The following PML variants were observed in gnomAD, a reference collection of about 807,000 sequenced individuals.
The protein encoded by PML is protein PML.
In PML, 28 loss-of-function variants were observed where a neutral mutation model predicts 65.2. The observed-to-expected ratio is 0.43, with a 90% CI of 0.32 to 0.59. The LOEUF (loss-of-function observed/expected upper bound fraction) is 0.59. Ranked by LOEUF, PML falls within the 20% of genes least tolerant of loss-of-function variation. The pLI, the probability that PML is intolerant of heterozygous loss-of-function variation, is 0.08. For missense variants in PML, 1,021 were observed against 1,203.4 expected (o/e 0.85, Z 2.24); for synonymous variants, 500 against 508.8 (o/e 0.98, Z 0.23).
At chr15:74,041,394 G>A (rs540819809) in intron 7 of PML, 1 of 152,456 alleles carries the variant, frequency 6.6e-6, no homozygotes, top group South Asian at 2.1e-4. Context: ...CTCCTTACAG[G>A]GAGGAAACCG....
intron 2 of PML, among the ~76,000 whole-genome samples, chr15:74,008,242 A>G (rs995004633): frequency 3.3e-5 from 5 of 152,212 alleles, no homozygotes; most frequent in African/African-American, 1.2e-4. Flanking sequence ...TAGAAGGTTG[A>G]TGTGAGGGCA....
chr15:74,005,209 T>A (rs924706029), intron 2 of PML, among the ~76,000 whole-genome samples: 2 of 151,738 alleles, frequency 1.3e-5, no homozygotes, highest in Non-Finnish European at 2.9e-5. Context: ...CGCACCACCA[T>A]GCCCAGCTAA....
intron 6 of PML, chr15:74,034,217 T>A: frequency 1.8e-6 from 1 of 545,886 alleles, no homozygotes; most frequent in East Asian, 3.3e-5. Context: ...GGGGGCAAAT[T>A]CTGAATTCTG....
Position 74,035,646 on chromosome 15 carries a change from G to C in PML, c.1710+1116G>C, listed in dbSNP as rs773770329. The C allele has an allele frequency of 6.2e-7, 1 of 1,614,016 alleles. No homozygotes were observed. Among genetic ancestry groups the C allele is most frequent in the Non-Finnish European group, 8.5e-7 (1 of 1,180,016 alleles). On this transcript the variant is annotated intron_variant, in intron 7 of 8. Transcript: ENST00000268058. The surrounding 1 kb of genome is among the most constrained non-coding windows in gnomAD (Gnocchi z 4.1). ...CCCACCCCACCGGATACGAGGGGCT[G>C]TGCGATCCCGCAGCCGCTCCCTCCG...
intron 2 of PML, among the ~76,000 whole-genome samples, chr15:74,007,989 C>T (rs2070146125): frequency 6.6e-6 from 1 of 152,210 alleles, no homozygotes. Context: ...CATGTCGTAT[C>T]TGGCACAGGG....
At chr15:74,028,002 C>T (rs2071156624) in intron 4 of PML, 2 of 152,184 alleles carry the variant, frequency 1.3e-5, no homozygotes, top group South Asian at 4.1e-4. Context: ...CAGCACTCAT[C>T]CCTCTTGAAA....
chr15:74,002,371 ATATG>A lies in PML; in HGVS notation c.602+3898_602+3901del, dbSNP rs1461588102. The stretch of plus-strand genomic sequence containing the variant: ...TATATCTATATGTATATATCCATAT[ATATG>A]TAAGTTCTAGTGCTTGTGTGTGTGT... On this transcript the variant is annotated intron_variant, in intron 2 of 8. Transcript: ENST00000268058. 7.8e-5 allele frequency among the ~76,000 whole-genome samples: 11 copies of A among 141,508 alleles called. No individual in the cohort carries two copies. The East Asian group carries it at 8.1e-4, about 10-fold the overall frequency. The allele number at this position is 141,508 out of a possible 152,430, so 92.8% of individuals were successfully genotyped here.
rs1160097064 is a variant in PML, at chr15:74,045,376, AC to A, written c.*372del. ...TGGGTGTCCTTACAGCTCTGCCCTG[AC>A]CCCAGCCCCTGCCCCTGGACACCTG... On this transcript the variant is annotated 3_prime_UTR_variant, in exon 9 of 9. Transcript: ENST00000268058. 4.0e-5 allele frequency: 12 copies of A among 298,382 alleles called. No homozygotes were observed. The highest frequency in any genetic ancestry group is 6.2e-5 in the Non-Finnish European group (10 of 160,612). 18.5% of individuals were successfully genotyped at this position (298,382 alleles called of 1,614,324 possible). A position where few individuals can be genotyped will look rare whatever the true frequency, so the allele number is the denominator to read the frequency against.
At chr15:73,996,734 T>C (rs751980773) in intron 1 of PML, among the ~76,000 whole-genome samples, 5 of 152,242 alleles carry the variant, frequency 3.3e-5, no homozygotes, top group Non-Finnish European at 5.9e-5. Context: ...AAGAGCCTCC[T>C]GCAGTCATAC....
chr15:74,011,422 T>G (rs1218132183), intron 2 of PML, among the ~76,000 whole-genome samples: 1 of 152,116 alleles, frequency 6.6e-6, no homozygotes, highest in East Asian at 1.9e-4. Context: ...GAAAGAAGAA[T>G]GTGCCTTTAA....
At chr15:74,007,476 T>C (rs1385181368) in intron 2 of PML, among the ~76,000 whole-genome samples, 2 of 152,242 alleles carry the variant, frequency 1.3e-5, no homozygotes, top group African/African-American at 2.4e-5. Context: ...TGTTTCACAA[T>C]TTACCAGTGG....
chr15:74,034,386 T>A, intron 6 of PML, 92 bp from the exon 7 acceptor site: 1 of 1,566,924 alleles, frequency 6.4e-7, no homozygotes, highest in Non-Finnish European at 8.8e-7. Flanking sequence ...CCCAGCCGAC[T>A]GGCCTGCAAG....
intron 2 of PML, among the ~76,000 whole-genome samples, chr15:74,019,309 G>A (rs1049174816): frequency 4.6e-5 from 7 of 152,220 alleles, no homozygotes; most frequent in Non-Finnish European, 1.0e-4. Flanking sequence ...CAAGGAAGGG[G>A]ATCCAACATC....
At position 74,042,275 on chromosome 15, in the gene PML, C is replaced by G. The variant is rs1459346664; in HGVS notation, c.1711-714C>G. On this transcript the variant is annotated intron_variant, in intron 7 of 8. Transcript: ENST00000268058. The surrounding 1 kb of genome is among the most constrained non-coding windows in gnomAD (Gnocchi z 5.3). ...TTCTCTAAGCTGCTGGGGCAGATGC[C>G]AAGAGCCTCCACTGCTCTCTCACTG... 1 of 779,906 alleles carries G rather than the reference C, an allele frequency of 1.3e-6. No individual in the cohort carries two copies. Among genetic ancestry groups the G allele is most frequent in the Non-Finnish European group, 1.6e-6 (1 of 642,352 alleles). The allele number at this position is 779,906 out of a possible 1,614,324, so 48.3% of individuals were successfully genotyped here.
At chr15:74,033,675 T>G in intron 6 of PML, 1 of 657,038 alleles carries the variant, frequency 1.5e-6, no homozygotes, top group Non-Finnish European at 2.8e-6. Flanking sequence ...CAAACACTAC[T>G]GTGCCTTTGC....
Position 74,044,955 on chromosome 15 carries a change from T to C in PML, c.2596T>C (p.Ser866Pro), listed in dbSNP as rs2071756904. The change falls in exon 9 of 9, where the codon TCC becomes CCC. Residue 866 changes from serine to proline, a missense_variant. Transcript: ENST00000268058. ...GGCGCTGGCACGGGCAGAAGGAGTC[T>C]CCACCCCACTTGCTGGCCGTGGCTT... ...GPALARAEGV[S>P]TPLAGRGLAE... is the part of the protein sequence containing the mutation. The C allele has an allele frequency of 2.5e-6, 4 of 1,611,330 alleles. No individual in the cohort carries two copies. In the Admixed American group the frequency reaches 5.0e-5, roughly 20 times the overall value.
At chr15:74,023,479 G>A (rs141236564) in intron 3 of PML, 71 bp downstream of exon 3, 1,360 of 1,215,264 alleles carry the variant, frequency 1.1e-3, no homozygotes, top group Non-Finnish European at 1.5e-3. Flanking sequence ...AGTCAGAAGA[G>A]ATCATCTCCA....
intron 4 of PML, chr15:74,025,755 A>G (rs1257954911): frequency 6.6e-6 from 1 of 152,342 alleles, no homozygotes; most frequent in Non-Finnish European, 1.5e-5. Flanking sequence ...GGCATTCACA[A>G]GTATGGCTCC....
intron 2 of PML, among the ~76,000 whole-genome samples, chr15:74,022,585 G>A (rs886924127): frequency 1.3e-5 from 2 of 152,326 alleles, no homozygotes; most frequent in Admixed American, 6.5e-5. Context: ...TTGTCGTTTC[G>A]TATATCTTTG....
Sources: allele counts gnomAD v4.1 joint callset (sites outside exome capture counted in the v4.1 genomes callset), GRCh38; gene constraint gnomAD v4.1.1; non-coding constraint Gnocchi (gnomAD v3.1); transcripts MANE v1.5; gene names NCBI Gene and HGNC (gene_info 2026-07-23, HGNC 2026-07-21).